Variants in TOX observed in about 807,000 individuals in gnomAD.
TOX encodes the protein thymocyte selection associated high mobility group box.
In TOX, 11 loss-of-function variants were observed where a neutral mutation model predicts 53.7. That is an observed-to-expected ratio of 0.20 (90% CI 0.13 to 0.34). TOX has a LOEUF of 0.34. Ranked by LOEUF, TOX falls within the 10% of genes least tolerant of loss-of-function variation. The pLI, the probability that TOX is intolerant of heterozygous loss-of-function variation, is 1.00. For missense variants in TOX, 570 were observed against 664.6 expected (o/e 0.86, Z 1.56); for synonymous variants, 225 against 245.3 (o/e 0.92, Z 0.77).
chr8:58,818,302 A>T (rs1172872971), intron 6 of TOX, among the ~76,000 whole-genome samples: 2 of 152,354 alleles, frequency 1.3e-5, no homozygotes, highest in African/African-American at 4.8e-5. Flanking sequence ...AGTTCCAAAG[A>T]TAATGATTCA....
chr8:58,946,560 C>T (rs1043125005), intron 2 of TOX, among the ~76,000 whole-genome samples: 3 of 152,210 alleles, frequency 2.0e-5, no homozygotes, highest in African/African-American at 7.2e-5. Flanking sequence ...GCCAATGATC[C>T]TGCAAACAAT....
At position 59,089,142 on chromosome 8, in the gene TOX, A is replaced by G. The variant is rs79246912; in HGVS notation, c.102+29744T>C. Among the ~76,000 whole-genome samples the G allele has an allele frequency of 5.5e-3, 833 of 152,350 alleles. 17 individuals are homozygous for G. Among genetic ancestry groups the G allele is most frequent in the African/African-American group, 0.019 (797 of 41,580 alleles). ...CACGCTAACAGAGCTTCATGCTGATAATAGACCTAGCATATTTGTTTCGGG... is the reference window on the plus strand; with the variant it reads ...CACGCTAACAGAGCTTCATGCTGATGATAGACCTAGCATATTTGTTTCGGG... On this transcript the variant is annotated intron_variant, in intron 1 of 8. Transcript: ENST00000361421.
chr8:59,035,423 G>T (rs956224867), intron 1 of TOX, among the ~76,000 whole-genome samples: 1 of 152,108 alleles, frequency 6.6e-6, no homozygotes, highest in Non-Finnish European at 1.5e-5. Context: ...GAACACAGTG[G>T]CTAGTCACAG....
intron 2 of TOX, among the ~76,000 whole-genome samples, chr8:58,940,562 A>G (rs1812421379): frequency 2.6e-5 from 4 of 152,200 alleles, no homozygotes; most frequent in Admixed American, 2.6e-4. Flanking sequence ...TATGAAAGGA[A>G]ACGTTTCGGT....
At chr8:58,820,792 A>C (rs1395245143) in intron 6 of TOX, among the ~76,000 whole-genome samples, 1 of 152,208 alleles carries the variant, frequency 6.6e-6, no homozygotes, top group Admixed American at 6.5e-5. Context: ...CAATAATAAA[A>C]TGAGTTTGCA....
At chr8:59,068,636 C>T (rs190047699) in intron 1 of TOX, among the ~76,000 whole-genome samples, 2 of 152,308 alleles carry the variant, frequency 1.3e-5, no homozygotes, top group East Asian at 1.9e-4. Flanking sequence ...TTTACAACAA[C>T]CTTGTATGCT....
Position 58,838,074 on chromosome 8 carries a change from C to A in TOX, c.924+7G>T, listed in dbSNP as rs78213759. 1.7e-4 allele frequency: 279 copies of A among 1,613,202 alleles called. 1 individual carries two copies. In the African/African-American group the frequency reaches 3.4e-3, roughly 20 times the overall value. ...TGTAGATTCCCATTCCACTGGGAAT[C>A]CCTTACCTGTTTTTGCTCTTCTCCT... On this transcript the variant is annotated splice_region_variant and intron_variant, in intron 5 of 8. Transcript: ENST00000361421.
intron 1 of TOX, among the ~76,000 whole-genome samples, chr8:59,045,806 C>T (rs1346474474): frequency 6.6e-6 from 1 of 152,118 alleles, no homozygotes; most frequent in African/African-American, 2.4e-5. Flanking sequence ...TTTTATAGGA[C>T]TCAAAAACAA....
At chr8:58,924,154 T>G (rs576993739) in intron 3 of TOX, among the ~76,000 whole-genome samples, 1 of 152,224 alleles carries the variant, frequency 6.6e-6, no homozygotes, top group Non-Finnish European at 1.5e-5. Flanking sequence ...GAATAATGAG[T>G]TGCAGATATT....
In TOX at chr8:58,929,690, A is replaced by T. The variant is rs77068648; in HGVS notation, c.411+9612T>A. Among the ~76,000 whole-genome samples the T allele has an allele frequency of 4.1e-3, 630 of 152,262 alleles. 29 individuals carry two copies. The East Asian group carries it at 0.1, about 25-fold the overall frequency. On this transcript the variant is annotated intron_variant, in intron 3 of 8. Transcript: ENST00000361421. ...TTTATAATGCAACATTTCAATGTTA[A>T]TAATCTACTTGCATAAATCAAGCAA...
chr8:58,810,812 C>A (rs2252970), intron 7 of TOX, among the ~76,000 whole-genome samples: 91,332 of 151,766 alleles, frequency 0.6, 28,309 homozygotes, highest in East Asian at 0.93. Context: ...CCACACGAGA[C>A]CAACCCACCC....
At chr8:59,025,597 T>C (rs1585971738) in intron 1 of TOX, among the ~76,000 whole-genome samples, 1 of 152,110 alleles carries the variant, frequency 6.6e-6, no homozygotes. Flanking sequence ...CACCTACTGA[T>C]CACACCGCTG....
intron 3 of TOX, among the ~76,000 whole-genome samples, chr8:58,935,275 A>C (rs1812325017): frequency 6.6e-6 from 1 of 152,168 alleles, no homozygotes; most frequent in South Asian, 2.1e-4. Context: ...AAATATATAC[A>C]ATAAATAATA....
chr8:59,017,861 C>T (rs1814044733), intron 1 of TOX, among the ~76,000 whole-genome samples: 1 of 152,060 alleles, frequency 6.6e-6, no homozygotes, highest in Non-Finnish European at 1.5e-5. Flanking sequence ...AGTTCTATAA[C>T]CACAGCTCAA....
At chr8:59,083,703 A>G (rs1220202261) in intron 1 of TOX, among the ~76,000 whole-genome samples, 1 of 152,170 alleles carries the variant, frequency 6.6e-6, no homozygotes, top group Non-Finnish European at 1.5e-5. Flanking sequence ...TACTGACAAT[A>G]ATGTAGGTGA....
chr8:59,034,573 G>T (rs116315092), intron 1 of TOX, among the ~76,000 whole-genome samples: 40 of 152,204 alleles, frequency 2.6e-4, no homozygotes, highest in African/African-American at 9.4e-4. Flanking sequence ...TGATGCTTTC[G>T]TCCAAGTCCA....
intron 3 of TOX, among the ~76,000 whole-genome samples, chr8:58,857,677 C>T (rs987562318): frequency 1.3e-5 from 2 of 152,150 alleles, no homozygotes; most frequent in Non-Finnish European, 2.9e-5. Context: ...CTGAAGAGTG[C>T]CACGTTGAGG....
intron 1 of TOX, among the ~76,000 whole-genome samples, chr8:59,053,465 C>A (rs1224354447): frequency 6.6e-6 from 1 of 152,194 alleles, no homozygotes; most frequent in Non-Finnish European, 1.5e-5. Context: ...CTAGAAAAAA[C>A]ATAAAACATA....
chr8:58,837,627 G>A (rs879897704), intron 5 of TOX, among the ~76,000 whole-genome samples: 6 of 152,160 alleles, frequency 3.9e-5, no homozygotes, highest in African/African-American at 1.2e-4. Context: ...AGCCCCTGGC[G>A]GTCTTTAAGG....
Sources: allele counts gnomAD v4.1 joint callset (sites outside exome capture counted in the v4.1 genomes callset), GRCh38; gene constraint gnomAD v4.1.1; transcripts MANE v1.5; gene names NCBI Gene and HGNC (gene_info 2026-07-23, HGNC 2026-07-21).